TAOK3: variants seen among roughly 807,000 people sequenced by gnomAD.
TAOK3 encodes TAO kinase 3.
A neutral mutation model predicts 120.4 loss-of-function variants in TAOK3; 40 were observed. The ratio of observed to expected loss-of-function variants is 0.33; its 90% confidence interval spans 0.26 to 0.43. The LOEUF (loss-of-function observed/expected upper bound fraction) is 0.43. Ranked by LOEUF, TAOK3 falls within the 20% of genes least tolerant of loss-of-function variation. TAOK3 has a pLI of 1.00. For missense variants in TAOK3, 821 were observed against 1,112.1 expected (o/e 0.74, Z 3.72); for synonymous variants, 355 against 387.5 (o/e 0.92, Z 0.99).
At chr12:118,218,737 C>A (rs2039068046) in intron 9 of TAOK3, among the ~76,000 whole-genome samples, 3 of 152,034 alleles carry the variant, frequency 2.0e-5, no homozygotes, top group African/African-American at 7.2e-5. Context: ...GGAGGACCAA[C>A]CGTATTTAAA....
intron 1 of TAOK3, among the ~76,000 whole-genome samples, chr12:118,367,995 A>G (rs1185443772): frequency 2.0e-5 from 3 of 152,216 alleles, no homozygotes; most frequent in African/African-American, 7.2e-5. Flanking sequence ...ATATCAAGGT[A>G]GTCTCTAAGA....
At chr12:118,258,894 A>G (rs899510910) in intron 2 of TAOK3, among the ~76,000 whole-genome samples, 2 of 152,196 alleles carry the variant, frequency 1.3e-5, no homozygotes, top group African/African-American at 4.8e-5. Context: ...TGATAATTAA[A>G]ATATTTTCAA....
intron 19 of TAOK3, among the ~76,000 whole-genome samples, chr12:118,155,105 C>T (rs891384470): frequency 6.6e-6 from 1 of 152,118 alleles, no homozygotes; most frequent in African/African-American, 2.4e-5. Flanking sequence ...AAGCGATTCT[C>T]CTGCCTCAGC....
intron 9 of TAOK3, among the ~76,000 whole-genome samples, chr12:118,230,659 CG>C (rs1274857349): frequency 6.6e-6 from 1 of 151,546 alleles, no homozygotes; most frequent in Non-Finnish European, 1.5e-5. Context: ...TTAGTAGAGA[CG>C]GGGTTTCACC....
intron 1 of TAOK3, among the ~76,000 whole-genome samples, chr12:118,341,503 T>C (rs2044618736): frequency 6.6e-6 from 1 of 152,132 alleles, no homozygotes; most frequent in African/African-American, 2.4e-5. Context: ...CTTAGAAGTT[T>C]TAATAAATAA....
intron 3 of TAOK3, chr12:118,246,868 C>T (rs2040537733): frequency 7.9e-7 from 1 of 1,273,200 alleles, no homozygotes. Context: ...ACTGTATTTA[C>T]CAAGTCTCCC....
chr12:118,229,764 T>C (rs2039679397), intron 9 of TAOK3, among the ~76,000 whole-genome samples: 1 of 151,978 alleles, frequency 6.6e-6, no homozygotes, highest in Non-Finnish European at 1.5e-5. Context: ...ACCCCGTCTC[T>C]ACTAAAAATA....
chr12:118,185,347 T>C (rs950659580), intron 14 of TAOK3, among the ~76,000 whole-genome samples: 2 of 152,094 alleles, frequency 1.3e-5, no homozygotes, highest in African/African-American at 4.8e-5. Flanking sequence ...AAGTGCAGAG[T>C]GTCCCTACTG....
chr12:118,277,605 C>T (rs140866574), intron 1 of TAOK3, among the ~76,000 whole-genome samples: 18 of 151,944 alleles, frequency 1.2e-4, no homozygotes, highest in Admixed American at 5.9e-4. Context: ...GGAGTACAGG[C>T]GCGCACCACC....
intron 2 of TAOK3, among the ~76,000 whole-genome samples, chr12:118,264,397 C>A (rs1417912357): frequency 6.6e-6 from 1 of 152,240 alleles, no homozygotes; most frequent in Non-Finnish European, 1.5e-5. Flanking sequence ...AAATAAACTA[C>A]AGATATACAC....
chr12:118,368,083 T>C (rs556524563), intron 1 of TAOK3, among the ~76,000 whole-genome samples: 10 of 152,236 alleles, frequency 6.6e-5, no homozygotes, highest in Non-Finnish European at 1.2e-4. Flanking sequence ...GGGAAGTATT[T>C]GCATCCTGCT....
chr12:118,193,934 T>A (rs2037567795), intron 13 of TAOK3, among the ~76,000 whole-genome samples: 1 of 152,244 alleles, frequency 6.6e-6, no homozygotes, highest in Non-Finnish European at 1.5e-5. Context: ...CCCTAGCACC[T>A]GGCATAGTGC....
intron 1 of TAOK3, among the ~76,000 whole-genome samples, chr12:118,323,705 G>C (rs1272634761): frequency 6.6e-6 from 1 of 152,100 alleles, no homozygotes; most frequent in Non-Finnish European, 1.5e-5. Flanking sequence ...GCATGTTGCA[G>C]AACAGTATAT....
intron 2 of TAOK3, among the ~76,000 whole-genome samples, chr12:118,262,232 C>T (rs1014465531): frequency 6.6e-6 from 1 of 151,906 alleles, no homozygotes; most frequent in Non-Finnish European, 1.5e-5. Context: ...GTCTGTAATC[C>T]TAGCACTTTG....
At chr12:118,210,978 C>T (rs1312752677) in intron 11 of TAOK3, among the ~76,000 whole-genome samples, 1 of 152,082 alleles carries the variant, frequency 6.6e-6, no homozygotes, top group Non-Finnish European at 1.5e-5. Flanking sequence ...ACCTCCTGAT[C>T]CTCCCACCTT....
At chr12:118,289,591 C>T (rs571049876) in intron 1 of TAOK3, among the ~76,000 whole-genome samples, 2 of 152,236 alleles carry the variant, frequency 1.3e-5, no homozygotes, top group South Asian at 2.1e-4. Flanking sequence ...TCTCTAAATA[C>T]GAACACAGAT....
chr12:118,319,852 C>A (rs937992461), intron 1 of TAOK3, among the ~76,000 whole-genome samples: 1 of 152,086 alleles, frequency 6.6e-6, no homozygotes, highest in Non-Finnish European at 1.5e-5. Flanking sequence ...CAGTTATATA[C>A]CCCAAAGAAT....
chr12:118,160,408 A>T lies in TAOK3; in HGVS notation c.2140-50T>A, dbSNP rs530122507. The T allele has an allele frequency of 1.9e-5, 28 of 1,479,942 alleles. No individual in the cohort carries two copies. In the East Asian group the frequency reaches 6.3e-4, roughly 33 times the overall value. The allele number at this position is 1,479,942 out of a possible 1,614,324, so 91.7% of individuals were successfully genotyped here. A position where few individuals can be genotyped will look rare whatever the true frequency, so the allele number is the denominator to read the frequency against. ...AAAATAAAGGCACATCAGTAAATAC[A>T]GAAAGCCTTCTACCATAATGATATA... On this transcript the variant is annotated intron_variant, in intron 18 of 20. Coordinates refer to ENST00000392533, the MANE Select transcript of TAOK3 (RefSeq NM_016281.4). The surrounding 1 kb of genome is among the most constrained non-coding windows in gnomAD (Gnocchi z 4.2).
chr12:118,312,267 T>A (rs1305328758), intron 1 of TAOK3, among the ~76,000 whole-genome samples: 1 of 152,074 alleles, frequency 6.6e-6, no homozygotes, highest in Non-Finnish European at 1.5e-5. Flanking sequence ...ATTAAGCTAC[T>A]AAATTCCAAA....
Sources: allele counts gnomAD v4.1 joint callset (sites outside exome capture counted in the v4.1 genomes callset), GRCh38; gene constraint gnomAD v4.1.1; non-coding constraint Gnocchi (gnomAD v3.1); transcripts MANE v1.5; gene names NCBI Gene and HGNC (gene_info 2026-07-23, HGNC 2026-07-21).